DNAJC24: variants seen among roughly 807,000 people sequenced by gnomAD.
DNAJC24 encodes dnaJ homolog subfamily C member 24.
Under a neutral mutation model 18.0 loss-of-function variants are expected in DNAJC24, and 17 were observed. The observed-to-expected ratio is 0.94, with a 90% CI of 0.65 to 1.42. The LOEUF (loss-of-function observed/expected upper bound fraction) is 1.42, where lower values mean the gene tolerates loss of function less well. DNAJC24 is among the 40% of genes most tolerant of loss of function. The pLI is 0.00. For synonymous variants in DNAJC24, 55 were observed against 57.7 expected (o/e 0.95, Z 0.21); for missense variants, 158 against 175.6 (o/e 0.90, Z 0.57).
intron 3 of DNAJC24, among the ~76,000 whole-genome samples, chr11:31,426,085 A>G (rs558262951): frequency 6.6e-6 from 1 of 152,322 alleles, no homozygotes; most frequent in South Asian, 2.1e-4. Context: ...AAAAATTTAT[A>G]AGAAATGTTA....
chr11:31,424,675 T>C (rs1245417456), intron 3 of DNAJC24, among the ~76,000 whole-genome samples: 4 of 152,232 alleles, frequency 2.6e-5, no homozygotes, highest in African/African-American at 7.2e-5. Flanking sequence ...CTTTGGATTT[T>C]AGGGACAGTC....
chr11:31,388,075 GA>G (rs200581474), intron 2 of DNAJC24, among the ~76,000 whole-genome samples: 61 of 147,870 alleles, frequency 4.1e-4, no homozygotes, highest in African/African-American at 1.3e-3. Flanking sequence ...AGGGACAAAA[GA>G]AAAAAAAATA....
chr11:31,397,305 G>T (rs1052653628), intron 2 of DNAJC24, among the ~76,000 whole-genome samples: 23 of 152,094 alleles, frequency 1.5e-4, no homozygotes, highest in African/African-American at 5.6e-4. Context: ...TTACACGTGG[G>T]TTATATTTTC....
At chr11:31,419,413 A>G (rs945380440) in intron 3 of DNAJC24, among the ~76,000 whole-genome samples, 4 of 152,024 alleles carry the variant, frequency 2.6e-5, no homozygotes, top group African/African-American at 9.7e-5. Flanking sequence ...CCTCGCCCCA[A>G]CTTACTTGTT....
chr11:31,419,895 C>T (rs371874331), intron 3 of DNAJC24, among the ~76,000 whole-genome samples: 51 of 152,158 alleles, frequency 3.4e-4, no homozygotes, highest in African/African-American at 1.2e-3. Context: ...CTCACAACTA[C>T]CACAGTAGTC....
chr11:31,381,006 T>C (rs1591900404), intron 2 of DNAJC24, among the ~76,000 whole-genome samples: 1 of 152,204 alleles, frequency 6.6e-6, no homozygotes, highest in Non-Finnish European at 1.5e-5. Flanking sequence ...TAGTATACTT[T>C]CAACCAAAAT....
rs1172750381 is a variant in DNAJC24 at position 31,410,935 on chromosome 11, TATTA to T, written c.112-3869_112-3866del. Among the ~76,000 whole-genome samples, 4 of 152,246 alleles carry T rather than the reference TATTA, an allele frequency of 2.6e-5. No homozygotes were observed. The East Asian group carries it at 5.8e-4, about 22-fold the overall frequency. ...TTTGTCCATTTTCCCTAAACTGATA[TATTA>T]ATTAATGCTTTAGATTACATCTGTC... On this transcript the variant is annotated intron_variant, in intron 2 of 4. Transcript: ENST00000465995.
intron 2 of DNAJC24, 22 bp from the exon 3 acceptor site, chr11:31,414,789 C>T (rs1460206389): frequency 5.0e-6 from 8 of 1,609,866 alleles, no homozygotes; most frequent in East Asian, 2.2e-5. Context: ...TCACCCCCTG[C>T]ACCCTTCTTT....
intron 1 of DNAJC24, 93 bp from the exon 2 acceptor site, chr11:31,370,623 G>T (rs1486382520): frequency 1.7e-5 from 9 of 524,164 alleles, no homozygotes; most frequent in East Asian, 1.6e-4. Context: ...TGATTTACTC[G>T]ACTAAATACT....
chr11:31,400,068 A>G (rs988867302), intron 2 of DNAJC24, among the ~76,000 whole-genome samples: 9 of 152,098 alleles, frequency 5.9e-5, no homozygotes, highest in African/African-American at 2.2e-4. Context: ...AGCTTCATCC[A>G]TGTCCCTGCA....
chr11:31,390,945 T>A (rs1952489132), intron 2 of DNAJC24, among the ~76,000 whole-genome samples: 1 of 152,042 alleles, frequency 6.6e-6, no homozygotes, highest in African/African-American at 2.4e-5. Flanking sequence ...TTCTGATGAG[T>A]ATTGACGTAA....
rs554290447 is a variant in DNAJC24, at chr11:31,424,617, CAT to C, written c.251-1668_251-1667del. 4.6e-5 allele frequency among the ~76,000 whole-genome samples: 7 copies of C among 152,288 alleles called. No homozygotes were observed. In the South Asian group the frequency reaches 1.5e-3, roughly 32 times the overall value. Reference sequence around the variant, plus strand: ...GATTCTGCATAAGCTATCCAGTAGACATACAGAGATGGAGGAACTATCTCTGA... The same window carrying C: ...GATTCTGCATAAGCTATCCAGTAGACACAGAGATGGAGGAACTATCTCTGA... On this transcript the variant is annotated intron_variant, in intron 3 of 4. Transcript: ENST00000465995.
At position 31,430,380 on chromosome 11, in the gene DNAJC24, A is replaced by G; in HGVS notation, c.429A>G (p.Ile143Met). The G allele has an allele frequency of 6.2e-7, 1 of 1,604,784 alleles. No homozygotes were observed. The highest frequency in any genetic ancestry group is 8.5e-7 in the Non-Finnish European group (1 of 1,174,060). Reference sequence around the variant, plus strand: ...CTTGTGATACATGTTCACTAATTATAGAACTCCTTCATTATAACTAAAATT... The same window carrying G: ...CTTGTGATACATGTTCACTAATTATGGAACTCCTTCATTATAACTAAAATT... ...LISCDTCSLIIELLHYN is the reference protein window; with the variant it reads ...LISCDTCSLIMELLHYN Residue 143 changes from isoleucine (I) to methionine (M), a missense_variant, in exon 5 of 5, where the codon ATA becomes ATG. Physicochemically the swap from Ile to Met is conservative, Grantham distance 10. Coordinates refer to ENST00000465995, the MANE Select transcript of DNAJC24 (RefSeq NM_181706.5).
In DNAJC24 at chr11:31,390,128, A is replaced by G. The variant is rs953761826; in HGVS notation, c.111+19269A>G. 9.2e-5 allele frequency among the ~76,000 whole-genome samples: 14 copies of G among 152,184 alleles called. 1 individual carries two copies. The highest frequency in any genetic ancestry group is 2.7e-4 in the African/African-American group (11 of 41,446). Reference sequence around the variant, plus strand: ...GATGTAATAAAATCAAGCTGGGCACAGTGGCTCACGCCTGTAATCCTAGCC... The same window carrying G: ...GATGTAATAAAATCAAGCTGGGCACGGTGGCTCACGCCTGTAATCCTAGCC... On this transcript the variant is annotated intron_variant, in intron 2 of 4. Transcript: ENST00000465995.
At position 31,430,252 on chromosome 11, in the gene DNAJC24, A is replaced by G. The variant is rs1184842404; in HGVS notation, c.320-19A>G. On this transcript the variant is annotated intron_variant, in intron 4 of 4. Coordinates refer to ENST00000465995, the MANE Select transcript of DNAJC24 (RefSeq NM_181706.5). ...GTTACTTACAAGTCTTTGAAAGATT[A>G]TTTTGTTTTCTTTTGCAGGTGATCA... 2.5e-6 allele frequency: 4 copies of G among 1,597,382 alleles called. No individual in the cohort carries two copies. The highest frequency in any genetic ancestry group is 3.4e-6 in the Non-Finnish European group (4 of 1,169,584).
chr11:31,386,885 C>G (rs1952435415), intron 2 of DNAJC24, among the ~76,000 whole-genome samples: 1 of 152,010 alleles, frequency 6.6e-6, no homozygotes, highest in African/African-American at 2.4e-5. Flanking sequence ...GGGAGAGACC[C>G]CGGGCTGGCA....
chr11:31,413,437 TCTC>T (rs1252417629), intron 2 of DNAJC24, among the ~76,000 whole-genome samples: 5 of 151,266 alleles, frequency 3.3e-5, no homozygotes, highest in African/African-American at 1.2e-4. Flanking sequence ...TTCACGCCAT[TCTC>T]CTGCCTCAGC....
chr11:31,401,842 ACT>A (rs1433143005), intron 2 of DNAJC24, among the ~76,000 whole-genome samples: 1 of 152,046 alleles, frequency 6.6e-6, no homozygotes, highest in Non-Finnish European at 1.5e-5. Flanking sequence ...ACTTTAAGGC[ACT>A]CTCTGAGAAC....
At chr11:31,399,018 C>A (rs963478237) in intron 2 of DNAJC24, among the ~76,000 whole-genome samples, 2 of 152,178 alleles carry the variant, frequency 1.3e-5, no homozygotes, top group Non-Finnish European at 1.5e-5. Context: ...TATCAGAATT[C>A]TCTCTGTAGC....
Sources: gnomAD v4.1 joint callset for allele counts (sites outside exome capture counted in the v4.1 genomes callset) on GRCh38, gnomAD v4.1.1 for gene constraint, MANE v1.5 for transcripts, NCBI Gene and HGNC (gene_info 2026-07-23, HGNC 2026-07-21) for gene names.